The following PRRC2B variants were observed in gnomAD, a reference collection of about 807,000 sequenced individuals.
PRRC2B encodes the protein protein PRRC2B.
In PRRC2B, 68 loss-of-function variants were observed where a neutral mutation model predicts 242.3. The observed-to-expected ratio is 0.28, with a 90% CI of 0.23 to 0.34. PRRC2B has a LOEUF of 0.34. Ranked by LOEUF, PRRC2B falls within the 10% of genes least tolerant of loss-of-function variation. The pLI, the probability that PRRC2B is intolerant of heterozygous loss-of-function variation, is 1.00. For synonymous variants in PRRC2B, 1,228 were observed against 1,173.6 expected (o/e 1.05, Z -0.95); for missense variants, 2,835 against 2,954.8 (o/e 0.96, Z 0.94).
intron 4 of PRRC2B, among the ~76,000 whole-genome samples, chr9:131,438,215 T>A (rs1185242260): frequency 6.6e-6 from 1 of 152,110 alleles, no homozygotes; most frequent in African/African-American, 2.4e-5. Context: ...GAGATGAATG[T>A]TAGTTGAGTG....
In PRRC2B at chr9:131,498,978, G is replaced by A. The variant is rs1172717404; in HGVS notation, c.*3104G>A. 6.6e-6 allele frequency: 1 copy of A among 151,158 alleles called. No homozygotes were observed. Among genetic ancestry groups the A allele is most frequent in the Non-Finnish European group, 1.5e-5 (1 of 67,718 alleles). 9.4% of individuals were successfully genotyped at this position (151,158 alleles called of 1,614,324 possible). A position where few individuals can be genotyped will look rare whatever the true frequency, so the allele number is the denominator to read the frequency against. On this transcript the variant is annotated 3_prime_UTR_variant, in exon 32 of 32. Transcript: ENST00000683519. ...TTGGCTTCTCCCCACAGCGTTTTTT[G>A]TTTTTTTTTAAACATTCATATTGTT...
rs562536425 is a variant in PRRC2B, at chr9:131,500,186, T to G, written c.*4312T>G. ...TCTCCTTATTTAAATAAAAAAAGTT[T>G]AAAAAGATAAAGCTGAACGTGCTTT... On this transcript the variant is annotated 3_prime_UTR_variant, in exon 32 of 32. Coordinates refer to ENST00000683519, the MANE Select transcript of PRRC2B (RefSeq NM_013318.4). The G allele has an allele frequency of 1.3e-5, 2 of 152,324 alleles. No individual in the cohort carries two copies. Among genetic ancestry groups the G allele is most frequent in the Middle Eastern group, 3.4e-3 (1 of 294 alleles). 9.4% of individuals were successfully genotyped at this position (152,324 alleles called of 1,614,324 possible). A position where few individuals can be genotyped will look rare whatever the true frequency, so the allele number is the denominator to read the frequency against.
At position 131,439,072 on chromosome 9, in the gene PRRC2B, A is replaced by T. The variant is rs1433132771; in HGVS notation, c.469+11A>T. ...TAGGACACGAAGGTGGTAAGTGCGC[A>T]CGTGTGTGTGTTGTTTGGGGACGCT... On this transcript the variant is annotated intron_variant, in intron 5 of 31. Coordinates refer to ENST00000683519, the MANE Select transcript of PRRC2B (RefSeq NM_013318.4). 2 of 1,612,572 alleles carry T rather than the reference A, an allele frequency of 1.2e-6. No individual in the cohort carries two copies. The highest frequency in any genetic ancestry group is 1.7e-6 in the Non-Finnish European group (2 of 1,179,020).
upstream of PRRC2B, among the ~76,000 whole-genome samples, chr9:131,390,293 A>T (rs2131269322): frequency 6.7e-6 from 1 of 150,092 alleles, no homozygotes; most frequent in East Asian, 2.0e-4. Context: ...AGTGAGCACC[A>T]GAGTGCAGGT....
intron 1 of PRRC2B, among the ~76,000 whole-genome samples, chr9:131,382,763 G>T (rs1328634185): frequency 6.6e-6 from 1 of 151,920 alleles, no homozygotes; most frequent in African/African-American, 2.4e-5. Flanking sequence ...TCCTGCCTCA[G>T]CCTTCCAAGT....
At chr9:131,391,373 ATCT>A (rs771610569), upstream of PRRC2B, among the ~76,000 whole-genome samples, 2 of 151,832 alleles carry the variant, frequency 1.3e-5, no homozygotes, top group Non-Finnish European at 2.9e-5. Context: ...CATCAACCAC[ATCT>A]TCTCCGACTC....
chr9:131,450,870 G>A (rs1231245565), intron 9 of PRRC2B, among the ~76,000 whole-genome samples: 2 of 152,126 alleles, frequency 1.3e-5, no homozygotes, highest in Non-Finnish European at 2.9e-5. Context: ...TTACAGGTAT[G>A]AGCCACCATG....
rs1943894906 is a variant in PRRC2B at position 131,482,412 on chromosome 9, G to C, written c.5025G>C (p.Leu1675Phe). The C allele has an allele frequency of 1.3e-6, 2 of 1,599,442 alleles. No individual in the cohort carries two copies. The highest frequency in any genetic ancestry group is 2.2e-5 in the South Asian group (2 of 90,594). The change falls in exon 21 of 32, where the codon TTG becomes TTC. Residue 1675 changes from leucine (L) to phenylalanine (F), a missense_variant. Physicochemically the swap from Leu to Phe is conservative, Grantham distance 22 (BLOSUM62 0). This residue lies in a region of PRRC2B where 38 missense variants were observed against 73.3 expected (regional missense o/e 0.52). Transcript: ENST00000683519. This position sits in a 1 kb window ranked among gnomAD's most constrained non-coding sequence, Gnocchi z 5.2. ...GCCAGGGAGATAGTGGCGTTGACTT[G>C]AGTGCCGAGTCTCGGGAGTCGTCTG... ...KSSQGDSGVD[L>F]SAESRESSAT...
intron 1 of PRRC2B, among the ~76,000 whole-genome samples, chr9:131,425,156 T>G (rs2131315535): frequency 6.6e-6 from 1 of 151,980 alleles, no homozygotes; most frequent in East Asian, 1.9e-4. Flanking sequence ...TGGCTCCTTT[T>G]TGTATTTTTA....
chr9:131,406,045 G>GCTCT (rs1471236247), intron 1 of PRRC2B, among the ~76,000 whole-genome samples: 2 of 152,164 alleles, frequency 1.3e-5, no homozygotes, highest in Non-Finnish European at 2.9e-5. Flanking sequence ...AAGACAGCAG[G>GCTCT]CTCTCCATAG....
At chr9:131,407,948 G>A (rs1483126428) in intron 1 of PRRC2B, among the ~76,000 whole-genome samples, 2 of 152,214 alleles carry the variant, frequency 1.3e-5, no homozygotes, top group South Asian at 2.1e-4. Context: ...CGGGCAGCCC[G>A]ATGGAGTATT....
intron 6 of PRRC2B, among the ~76,000 whole-genome samples, chr9:131,444,905 G>A (rs1036407221): frequency 2.6e-5 from 4 of 152,208 alleles, no homozygotes; most frequent in Non-Finnish European, 4.4e-5. Context: ...AGGGTGGCTG[G>A]AGGTTAAGGT....
chr9:131,402,041 G>GCTCA (rs1394422515), intron 1 of PRRC2B, among the ~76,000 whole-genome samples: 2 of 151,770 alleles, frequency 1.3e-5, no homozygotes, highest in African/African-American at 4.8e-5. Context: ...CACGATCTCG[G>GCTCA]CTCACTGCAC....
upstream of PRRC2B, chr9:131,393,998 T>C (rs925737934): frequency 6.7e-6 from 1 of 149,378 alleles, no homozygotes; most frequent in African/African-American, 2.4e-5. Flanking sequence ...CGGGCCCAGG[T>C]TGCGGGCGGC....
chr9:131,469,277 T>TGAGCCGTGGTCGCACC (rs1943476678), intron 13 of PRRC2B, among the ~76,000 whole-genome samples: 1 of 152,160 alleles, frequency 6.6e-6, no homozygotes. Flanking sequence ...GAGGTTGCAG[T>TGAGCCGTGGTCGCACC]GAGCCGTGGT....
intron 29 of PRRC2B, 44 bp downstream of exon 29, chr9:131,491,624 G>A (rs1439031220): frequency 4.6e-6 from 7 of 1,535,604 alleles, no homozygotes; most frequent in South Asian, 1.2e-5. Flanking sequence ...AGGGGGCCTT[G>A]TGTCACCAAC....
At chr9:131,397,261 C>T (rs890859661) in intron 1 of PRRC2B, among the ~76,000 whole-genome samples, 3 of 152,224 alleles carry the variant, frequency 2.0e-5, no homozygotes, top group African/African-American at 7.2e-5. Flanking sequence ...ATTGCATGCC[C>T]TTGCCTTAGG....
In PRRC2B at chr9:131,494,276, G is replaced by A; in HGVS notation, c.6474-129G>A. The A allele has an allele frequency of 1.6e-6, 1 of 608,116 alleles. No homozygotes were observed. The allele number at this position is 608,116 out of a possible 1,614,324, so 37.7% of individuals were successfully genotyped here. On this transcript the variant is annotated intron_variant, in intron 30 of 31. Transcript: ENST00000683519. The surrounding 1 kb of genome is among the most constrained non-coding windows in gnomAD (Gnocchi z 4.3). ...TTGTTTTCCATCCAAGAGATCCACGGACCGTCCCGAGTGAGCGCCTCTGGC... is the reference window on the plus strand; with the variant it reads ...TTGTTTTCCATCCAAGAGATCCACGAACCGTCCCGAGTGAGCGCCTCTGGC...
chr9:131,420,066 G>A (rs926702569), intron 1 of PRRC2B, among the ~76,000 whole-genome samples: 6 of 152,114 alleles, frequency 3.9e-5, no homozygotes, highest in South Asian at 2.1e-4. Context: ...CTCACCATAC[G>A]CCTCAATGCT....
Sources: gnomAD v4.1 joint callset for allele counts (sites outside exome capture counted in the v4.1 genomes callset) on GRCh38, gnomAD v4.1.1 for gene constraint, gnomAD v4.1.1 regional missense constraint, Gnocchi (gnomAD v3.1) non-coding constraint, MANE v1.5 for transcripts, NCBI Gene and HGNC (gene_info 2026-07-23, HGNC 2026-07-21) for gene names.